Variants in EIF4G3 observed in about 807,000 individuals in gnomAD.
EIF4G3 encodes the protein eIF-4-gamma 3.
A neutral mutation model predicts 186.4 loss-of-function variants in EIF4G3; 34 were observed. The ratio of observed to expected loss-of-function variants is 0.18; its 90% CI spans 0.14 to 0.24. The LOEUF (loss-of-function observed/expected upper bound fraction) is 0.24, where lower values mean the gene tolerates loss of function less well. Ranked by LOEUF, EIF4G3 falls within the 10% of genes least tolerant of loss-of-function variation. The pLI, the probability that EIF4G3 is intolerant of heterozygous loss-of-function variation, is 1.00. For missense variants in EIF4G3, 1,536 were observed against 1,948.5 expected, an observed-to-expected ratio of 0.79 and a Z score of 3.99; for synonymous variants, 673 against 679.5, an observed-to-expected ratio of 0.99 and a Z score of 0.15.
At chr1:21,034,338 C>G (rs1249092019) in intron 4 of EIF4G3, among the ~76,000 whole-genome samples, 3 of 152,136 alleles carry the variant, frequency 2.0e-5, no homozygotes, top group Admixed American at 2.0e-4. Flanking sequence ...TTAAGCAACT[C>G]AAAACATTCA....
chr1:21,052,617 C>T (rs1423375948), intron 3 of EIF4G3, among the ~76,000 whole-genome samples: 3 of 152,052 alleles, frequency 2.0e-5, no homozygotes, highest in African/African-American at 7.2e-5. Flanking sequence ...TCCACGGTCT[C>T]CCCCTGATGC....
intron 10 of EIF4G3, among the ~76,000 whole-genome samples, chr1:20,979,039 GT>G (rs1279613300): frequency 2.6e-5 from 4 of 152,054 alleles, no homozygotes; most frequent in African/African-American, 4.8e-5. Flanking sequence ...TATTTAATAA[GT>G]TTTTGCTTTG....
chr1:20,819,883 A>G (rs769618903), intron 33 of EIF4G3, among the ~76,000 whole-genome samples: 4 of 152,098 alleles, frequency 2.6e-5, no homozygotes, highest in Non-Finnish European at 5.9e-5. Context: ...GGGAGTGGAG[A>G]AGGAGGAAAG....
chr1:21,156,323 T>C (rs1388495068), intron 2 of EIF4G3, among the ~76,000 whole-genome samples: 1 of 152,168 alleles, frequency 6.6e-6, no homozygotes, highest in Non-Finnish European at 1.5e-5. Flanking sequence ...AGCTTCCTCA[T>C]CTTCCTCAAG....
intron 4 of EIF4G3, among the ~76,000 whole-genome samples, chr1:21,014,914 C>T (rs1398396291): frequency 6.6e-6 from 1 of 151,950 alleles, no homozygotes; most frequent in Non-Finnish European, 1.5e-5. Context: ...GGATTATAGG[C>T]GTGAGCCACC....
At chr1:20,901,556 A>G (rs1228550712) in intron 15 of EIF4G3, among the ~76,000 whole-genome samples, 13 of 152,138 alleles carry the variant, frequency 8.5e-5, no homozygotes, top group Admixed American at 8.5e-4. Context: ...ACAACAGTCT[A>G]TCATATATAA....
At chr1:21,146,947 C>G (rs2097453581) in intron 2 of EIF4G3, among the ~76,000 whole-genome samples, 1 of 151,894 alleles carries the variant, frequency 6.6e-6, no homozygotes, top group Admixed American at 6.6e-5. Context: ...AGTAAGTTAC[C>G]TAAAGATATA....
intron 22 of EIF4G3, among the ~76,000 whole-genome samples, chr1:20,864,165 C>T (rs1019215821): frequency 3.3e-5 from 5 of 152,132 alleles, no homozygotes; most frequent in African/African-American, 1.2e-4. Context: ...TACCCTTAGG[C>T]CATAGTTTTT....
At chr1:20,888,242 C>T (rs4654727) in intron 18 of EIF4G3, among the ~76,000 whole-genome samples, 84,401 of 151,874 alleles carry the variant, frequency 0.56, 24,125 homozygotes, top group East Asian at 0.83. Context: ...AACAGAGAGA[C>T]GTGAGAAAGT....
At chr1:21,149,330 A>C (rs77299272) in intron 2 of EIF4G3, among the ~76,000 whole-genome samples, 3 of 152,182 alleles carry the variant, frequency 2.0e-5, no homozygotes, top group Admixed American at 2.0e-4. Flanking sequence ...AGTTATGAGT[A>C]AACTGTTATT....
intron 2 of EIF4G3, chr1:21,174,633 T>C (rs180809038): frequency 6.6e-6 from 1 of 152,142 alleles, no homozygotes; most frequent in South Asian, 2.1e-4. Context: ...GTTTAAAAGA[T>C]TCAACACTGA....
intron 20 of EIF4G3, among the ~76,000 whole-genome samples, chr1:20,870,261 TCTC>T (rs1206907753): frequency 6.6e-6 from 1 of 152,006 alleles, no homozygotes; most frequent in Non-Finnish European, 1.5e-5. Context: ...GTCCTGTCAT[TCTC>T]CTCATGCTTT....
At chr1:21,008,342 T>A (rs2085918584) in intron 4 of EIF4G3, among the ~76,000 whole-genome samples, 1 of 152,100 alleles carries the variant, frequency 6.6e-6, no homozygotes. Flanking sequence ...TAATCTTTTT[T>A]TTTTTCTTCT....
chr1:20,889,232 C>A (rs1238725885), intron 18 of EIF4G3, among the ~76,000 whole-genome samples: 1 of 152,072 alleles, frequency 6.6e-6, no homozygotes, highest in African/African-American at 2.4e-5. Context: ...ACTTGGATAA[C>A]CAAAGAAAAG....
intron 4 of EIF4G3, among the ~76,000 whole-genome samples, chr1:21,034,949 G>A (rs1382315942): frequency 6.6e-6 from 1 of 152,088 alleles, no homozygotes; most frequent in Non-Finnish European, 1.5e-5. Flanking sequence ...TGGGGCTGCA[G>A]GGGGACCCTG....
intron 34 of EIF4G3, among the ~76,000 whole-genome samples, chr1:20,816,503 G>A (rs1479266472): frequency 1.2e-5 from 1 of 82,844 alleles, no homozygotes; most frequent in Non-Finnish European, 2.5e-5. Context: ...GGGGGGGTCA[G>A]CCCCCCGCCC....
At chr1:21,155,783 G>A (rs1345455422) in intron 2 of EIF4G3, among the ~76,000 whole-genome samples, 1 of 152,090 alleles carries the variant, frequency 6.6e-6, no homozygotes. Flanking sequence ...AAACTTAAAT[G>A]TAACTCTCCA....
intron 34 of EIF4G3, among the ~76,000 whole-genome samples, chr1:20,815,721 C>A (rs2154544752): frequency 7.1e-6 from 1 of 141,684 alleles, no homozygotes; most frequent in East Asian, 2.3e-4. Flanking sequence ...CCCGGCCGCC[C>A]CTACTGGGAA....
intron 2 of EIF4G3, among the ~76,000 whole-genome samples, chr1:21,172,321 C>T (rs2097996468): frequency 6.6e-6 from 1 of 152,138 alleles, no homozygotes; most frequent in Admixed American, 6.6e-5. Flanking sequence ...AGACTACTCT[C>T]ACAGCAGAGT....
Sources: gnomAD v4.1 joint callset for allele counts (sites outside exome capture counted in the v4.1 genomes callset) on GRCh38, gnomAD v4.1.1 for gene constraint, MANE v1.5 for transcripts, NCBI Gene and HGNC (gene_info 2026-07-23, HGNC 2026-07-21) for gene names.